The following NBAS variants were observed in gnomAD, a reference collection of about 807,000 sequenced individuals.
NBAS encodes the protein NAG/BC035112 fusion.
A neutral mutation model predicts 302.5 loss-of-function variants in NBAS; 219 were observed. The observed-to-expected ratio is 0.72, with a 90% CI of 0.65 to 0.81. The LOEUF is 0.81. Among genes scored for constraint, NBAS ranks in the 30% least tolerant of loss-of-function variants. The pLI, the probability that NBAS is intolerant of heterozygous loss-of-function variation, is 0.00. For synonymous variants in NBAS, 1,118 were observed against 1,021.6 expected (o/e 1.09, Z -1.80); for missense variants, 2,932 against 2,841.6 (o/e 1.03, Z -0.72).
the NBAS span, among the ~76,000 whole-genome samples, chr2:14,848,820 A>G: frequency 0.016 from 2,428 of 151,916 alleles, 76 homozygotes; most frequent in African/African-American, 0.055. Flanking sequence ...GGGCACACTG[A>G]CACCTCACAC....
At chr2:14,999,129 T>C in the NBAS span, among the ~76,000 whole-genome samples, 1 of 151,650 alleles carries the variant, frequency 6.6e-6, no homozygotes, top group African/African-American at 2.4e-5. Flanking sequence ...CAAATGCCCA[T>C]TAATTCAAGG....
the NBAS span, among the ~76,000 whole-genome samples, chr2:14,848,569 C>T: frequency 7.1e-6 from 1 of 140,326 alleles, no homozygotes; most frequent in East Asian, 1.9e-4. Flanking sequence ...CTGGGTGGAG[C>T]CCACCACAGC....
chr2:15,223,363 G>T (rs1470575122), intron 47 of NBAS, among the ~76,000 whole-genome samples: 1 of 151,886 alleles, frequency 6.6e-6, no homozygotes, highest in South Asian at 2.1e-4. Flanking sequence ...TTTTCTAAGG[G>T]TTTTAAATTT....
At chr2:15,274,488 C>A (rs1669477582) in intron 44 of NBAS, among the ~76,000 whole-genome samples, 1 of 152,056 alleles carries the variant, frequency 6.6e-6, no homozygotes, top group Non-Finnish European at 1.5e-5. Flanking sequence ...CAGTTGAGTC[C>A]AAATGCTAAG....
Position 15,328,193 on chromosome 2 carries a change from C to A in NBAS, c.4461+6G>T. On this transcript the variant is annotated splice_donor_region_variant and intron_variant, in intron 37 of 51. Transcript: ENST00000281513. Reference sequence around the variant, plus strand: ...AAATCTATCTTCCTAGACACGCTGTCCTTACCTCAGCGACAAAAGGATTTG... The same window carrying A: ...AAATCTATCTTCCTAGACACGCTGTACTTACCTCAGCGACAAAAGGATTTG... 1.9e-6 allele frequency: 3 copies of A among 1,609,770 alleles called. No homozygotes were observed. The highest frequency in any genetic ancestry group is 2.6e-6 in the Non-Finnish European group (3 of 1,176,378).
the NBAS span, among the ~76,000 whole-genome samples, chr2:15,130,096 T>A: frequency 6.6e-6 from 1 of 152,212 alleles, no homozygotes; most frequent in Admixed American, 6.5e-5. Context: ...GTGGCCTTTG[T>A]CAGTACAGAT....
At chr2:14,852,395 A>C in the NBAS span, among the ~76,000 whole-genome samples, 4,139 of 75,440 alleles carry the variant, frequency 0.055, 1,090 homozygotes, top group African/African-American at 0.33. Context: ...GACCTCTTCA[A>C]GGAGAACTAC....
the NBAS span, among the ~76,000 whole-genome samples, chr2:14,845,963 A>C: frequency 6.6e-6 from 1 of 152,152 alleles, no homozygotes; most frequent in South Asian, 2.1e-4. Flanking sequence ...CCTTAAAATG[A>C]AGGTAGAGAT....
At chr2:15,109,366 T>G in the NBAS span, among the ~76,000 whole-genome samples, 1 of 152,144 alleles carries the variant, frequency 6.6e-6, no homozygotes, top group South Asian at 2.1e-4. Flanking sequence ...ATGCAACTAC[T>G]CCCAGTCTTG....
chr2:14,961,310 G>C, the NBAS span, among the ~76,000 whole-genome samples: 1 of 152,158 alleles, frequency 6.6e-6, no homozygotes. Context: ...TGCAATATTG[G>C]AGGTGGGGCC....
chr2:15,352,121 T>G (rs375059558), intron 34 of NBAS, 40 bp from the exon 35 acceptor site: 1 of 1,438,212 alleles, frequency 7.0e-7, no homozygotes, highest in Middle Eastern at 1.7e-4. Flanking sequence ...GAGTTACGTT[T>G]TTAAATTTGC....
In NBAS at chr2:15,383,351, G is replaced by C. The variant is rs200556095; in HGVS notation, c.3258-34C>G. ...ACACATAAAAAAGACAAGGAAGAGG[G>C]AAAGAAAACAATTAAAATCTCTTTC... is the stretch of plus-strand genomic sequence containing the variant. On this transcript the variant is annotated intron_variant, in intron 28 of 51. Transcript: ENST00000281513. 1.6e-4 allele frequency: 249 copies of C among 1,575,954 alleles called. 6 individuals carry two copies. In the South Asian group the frequency reaches 2.2e-3, roughly 14 times the overall value.
chr2:15,062,850 C>A, the NBAS span, among the ~76,000 whole-genome samples: 3 of 152,116 alleles, frequency 2.0e-5, no homozygotes, highest in Non-Finnish European at 4.4e-5. Flanking sequence ...GGAAACTAAG[C>A]AGTCAATCAA....
the NBAS span, among the ~76,000 whole-genome samples, chr2:15,015,285 C>T: frequency 2.0e-5 from 3 of 151,960 alleles, no homozygotes; most frequent in African/African-American, 7.2e-5. Context: ...TTTTACAAGG[C>T]CAGCAAAACT....
chr2:15,064,887 G>A, the NBAS span, among the ~76,000 whole-genome samples: 5 of 152,036 alleles, frequency 3.3e-5, no homozygotes, highest in Non-Finnish European at 5.9e-5. Flanking sequence ...TAAAAGGATC[G>A]TATATCAAGA....
At chr2:15,487,488 CTG>C (rs1182453959) in intron 12 of NBAS, among the ~76,000 whole-genome samples, 2 of 152,172 alleles carry the variant, frequency 1.3e-5, no homozygotes, top group African/African-American at 2.4e-5. Flanking sequence ...TCTGCAAAGA[CTG>C]TATTTTCCAT....
the NBAS span, among the ~76,000 whole-genome samples, chr2:15,161,865 AAG>A: frequency 6.6e-6 from 1 of 152,180 alleles, no homozygotes; most frequent in African/African-American, 2.4e-5. Flanking sequence ...CAAGTGTCAA[AAG>A]AGATAAACAG....
the NBAS span, among the ~76,000 whole-genome samples, chr2:14,900,109 ATGC>A: frequency 8.4e-6 from 1 of 119,298 alleles, no homozygotes; most frequent in African/African-American, 3.1e-5. Flanking sequence ...TTTAAGTCAC[ATGC>A]TTTTTTTTTT....
Position 15,275,584 on chromosome 2 carries a change from T to A in NBAS, c.5624A>T (p.His1875Leu). The A allele has an allele frequency of 1.2e-6, 2 of 1,614,170 alleles. No homozygotes were observed. Among genetic ancestry groups the A allele is most frequent in the Non-Finnish European group, 1.7e-6 (2 of 1,180,020 alleles). The change falls in exon 44 of 52, where the codon CAT becomes CTT. Residue 1875 changes from histidine (H) to leucine (L), a missense_variant. Transcript: ENST00000281513. ...GTACTTCATGCAGACATCATAGGCA[T>A]GAAGCCACTCCGGTGAAGAGCCTGG... ...QVPGSSPEWL[H>L]AYDVCMKYFD...
Sources: gnomAD v4.1 joint callset for allele counts (sites outside exome capture counted in the v4.1 genomes callset) on GRCh38, gnomAD v4.1.1 for gene constraint, MANE v1.5 for transcripts, NCBI Gene and HGNC (gene_info 2026-07-23, HGNC 2026-07-21) for gene names.